BOC: variants seen among roughly 807,000 people sequenced by gnomAD.
The protein encoded by BOC is brother of CDO.
A neutral mutation model predicts 112.0 loss-of-function variants in BOC; 76 were observed. The ratio of observed to expected loss-of-function variants is 0.68; its 90% CI spans 0.56 to 0.82. BOC has a LOEUF of 0.82. Among genes scored for constraint, BOC ranks in the 40% least tolerant of loss-of-function variants. The pLI is 0.00. For missense variants in BOC, 1,309 were observed against 1,511.7 expected, an observed-to-expected ratio of 0.87 and a Z score of 2.22; for synonymous variants, 580 against 599.8, an observed-to-expected ratio of 0.97 and a Z score of 0.48.
rs1949161805 is a variant in BOC at position 113,281,170 on chromosome 3, T to C, written c.2434+17T>C. On this transcript the variant is annotated intron_variant, in intron 15 of 19. Coordinates refer to ENST00000682979, the MANE Select transcript of BOC (RefSeq NM_001378074.1). Reference sequence around the variant, plus strand: ...AGACCAAAGGTGAAGCTCTTTGGGTTCTCTCTCCTGTCTTGGTGTTTCCAG... The same window carrying C: ...AGACCAAAGGTGAAGCTCTTTGGGTCCTCTCTCCTGTCTTGGTGTTTCCAG... 6.2e-7 allele frequency: 1 copy of C among 1,613,762 alleles called. No homozygotes were observed. Among genetic ancestry groups the C allele is most frequent in the Non-Finnish European group, 8.5e-7 (1 of 1,179,816 alleles).
At chr3:113,224,563 AG>A (rs1175163239) in intron 2 of BOC, among the ~76,000 whole-genome samples, 2 of 15,552 alleles carry the variant, frequency 1.3e-4, no homozygotes, top group East Asian at 1.8e-3. Flanking sequence ...TGTGAATTGG[AG>A]GGGGTGGGGG....
In BOC at chr3:113,233,145, T is replaced by TGGGGGGG. The variant is rs1553725800; in HGVS notation, c.-81-16573_-81-16572insGGGGGGG. On this transcript the variant is annotated intron_variant, in intron 2 of 19. Transcript: ENST00000682979. ...AAGCATGCATGAGCATGTAAAGGAT[T>TGGGGGGG]GGGGTGTGTGTGTGTGTGTGTGTGT... 2.1e-4 allele frequency among the ~76,000 whole-genome samples: 17 copies of TGGGGGGG among 82,860 alleles called. 1 individual carries two copies. Among genetic ancestry groups the TGGGGGGG allele is most frequent in the African/African-American group, 6.0e-4 (15 of 25,034 alleles). The allele number at this position is 82,860 out of a possible 152,430, so 54.4% of individuals were successfully genotyped here.
chr3:113,278,678 C>T lies in BOC; in HGVS notation c.1711C>T (p.Arg571Trp), dbSNP rs1437662610. The change falls in exon 11 of 20, where the codon CGG becomes TGG. Residue 571 changes from arginine to tryptophan, a missense_variant. Arg to Trp is a moderately radical substitution (Grantham distance 101, BLOSUM62 -3). Coordinates refer to ENST00000682979, the MANE Select transcript of BOC (RefSeq NM_001378074.1). This position sits in a 1 kb window ranked among gnomAD's most constrained non-coding sequence, Gnocchi z 4.2. The part of the protein sequence containing the change: ...TAMVTFRTGR[R>W]PKPEIMASKE... ...TACAACCCATTTCCACCCAGGACGG[C>T]GGCCCAAACCCGAGATCATGGCCAG... 9.6e-6 allele frequency: 15 copies of T among 1,560,176 alleles called. No individual in the cohort carries two copies. The highest frequency in any genetic ancestry group is 1.4e-5 in the African/African-American group (1 of 73,536).
intron 2 of BOC, among the ~76,000 whole-genome samples, chr3:113,229,723 A>T (rs1223115276): frequency 6.6e-6 from 1 of 152,262 alleles, no homozygotes; most frequent in Non-Finnish European, 1.5e-5. Flanking sequence ...GAGAAAAAAT[A>T]TGTATTTTAG....
intron 14 of BOC, 131 bp from the exon 15 acceptor site, chr3:113,280,900 C>T (rs1303124404): frequency 4.7e-6 from 6 of 1,279,818 alleles, no homozygotes; most frequent in Non-Finnish European, 6.6e-6. Flanking sequence ...AGCGTTCCTC[C>T]ACACGCCGCC....
chr3:113,251,257 A>G, intron 4 of BOC: 1 of 327,102 alleles, frequency 3.1e-6, no homozygotes, highest in Non-Finnish European at 5.6e-6. Flanking sequence ...AGGGAGAGAC[A>G]GGACACCAAG....
intron 4 of BOC, among the ~76,000 whole-genome samples, chr3:113,267,241 C>T (rs943218063): frequency 6.6e-6 from 1 of 152,162 alleles, no homozygotes; most frequent in African/African-American, 2.4e-5. Flanking sequence ...ACCAGATTTC[C>T]AGCTTGGAAT....
At position 113,270,945 on chromosome 3, in the gene BOC, G is replaced by T; in HGVS notation, c.667+1G>T. ...TCCAGCGACAGGCTACGTGTGCGCCGTAAGGCCCGGGCCCACCTGCTGGGG... is the reference window on the plus strand; with the variant it reads ...TCCAGCGACAGGCTACGTGTGCGCCTTAAGGCCCGGGCCCACCTGCTGGGG... On this transcript the variant is annotated splice_donor_variant, in intron 6 of 19. Transcript: ENST00000682979. LOFTEE classifies it high-confidence loss of function. The T allele has an allele frequency of 6.2e-7, 1 of 1,614,142 alleles. No homozygotes were observed. The highest frequency in any genetic ancestry group is 8.5e-7 in the Non-Finnish European group (1 of 1,180,030).
intron 14 of BOC, 39 bp from the exon 15 acceptor site, chr3:113,280,992 A>G (rs770301080): frequency 3.7e-6 from 6 of 1,610,390 alleles, no homozygotes; most frequent in Non-Finnish European, 5.1e-6. Context: ...AAAACCATAT[A>G]CACATTGCCA....
intron 13 of BOC, among the ~76,000 whole-genome samples, chr3:113,280,317 G>A (rs1949073908): frequency 6.6e-6 from 1 of 152,162 alleles, no homozygotes. Flanking sequence ...TGAAGTCTTT[G>A]GAGAAATGGC....
intron 2 of BOC, among the ~76,000 whole-genome samples, chr3:113,235,568 C>T (rs1194052818): frequency 6.6e-6 from 1 of 152,082 alleles, no homozygotes; most frequent in South Asian, 2.1e-4. Context: ...TGATTATTGT[C>T]ATTATCATCA....
At position 113,218,542 on chromosome 3, in the gene BOC, G is replaced by A. The variant is rs548136754; in HGVS notation, c.-82+2268G>A. Among the ~76,000 whole-genome samples the A allele has an allele frequency of 6.6e-5, 10 of 152,300 alleles. No homozygotes were observed. In the South Asian group the frequency reaches 2.1e-3, roughly 32 times the overall value. On this transcript the variant is annotated intron_variant, in intron 2 of 19. Transcript: ENST00000682979. Reference sequence around the variant, plus strand: ...TAAAAATGCAGTCAGTCAACACAGTGCCCTCTTTTGCAAGTGAGACCACAT... The same window carrying A: ...TAAAAATGCAGTCAGTCAACACAGTACCCTCTTTTGCAAGTGAGACCACAT...
At chr3:113,280,917 C>A in intron 14 of BOC, 114 bp from the exon 15 acceptor site, 1 of 1,408,674 alleles carries the variant, frequency 7.1e-7, no homozygotes, top group Non-Finnish European at 9.8e-7. Context: ...CGCCCCTGTG[C>A]CAGTCAGTGG....
intron 1 of BOC, among the ~76,000 whole-genome samples, chr3:113,212,928 T>C (rs1938523638): frequency 6.6e-6 from 1 of 152,120 alleles, no homozygotes; most frequent in Admixed American, 6.5e-5. Flanking sequence ...ATGTTCAGTA[T>C]TAATTTGCTT....
chr3:113,280,413 C>T, intron 13 of BOC, 145 bp from the exon 14 acceptor site: 1 of 651,040 alleles, frequency 1.5e-6, no homozygotes, highest in South Asian at 1.9e-5. Context: ...CAGAGAACCT[C>T]AGGGATATCA....
In BOC at chr3:113,283,498, C is replaced by T. The variant is rs138348732; in HGVS notation, c.2522C>T (p.Pro841Leu). 5.9e-5 allele frequency: 96 copies of T among 1,614,058 alleles called. No homozygotes were observed. Among genetic ancestry groups the T allele is most frequent in the Non-Finnish European group, 7.5e-5 (88 of 1,180,018 alleles). The change falls in exon 16 of 20, where the codon CCG becomes CTG. Residue 841 changes from proline (P) to leucine (L), a missense_variant. Coordinates refer to ENST00000682979, the MANE Select transcript of BOC (RefSeq NM_001378074.1). ...QPPLPETIER[P>L]VGTGAMVARS... is the part of the protein sequence containing the mutation. ...CCCCTTCCTGAAACCATAGAGCGGC[C>T]GGTGGGCACTGGGGCCATGGTGGCT...
chr3:113,235,067 A>G (rs747212204), intron 2 of BOC, among the ~76,000 whole-genome samples: 1 of 152,238 alleles, frequency 6.6e-6, no homozygotes, highest in Admixed American at 6.5e-5. Flanking sequence ...TGTGTAAGAC[A>G]TAGGACTTTA....
At chr3:113,265,870 C>A (rs566778081) in intron 4 of BOC, among the ~76,000 whole-genome samples, 2 of 152,224 alleles carry the variant, frequency 1.3e-5, no homozygotes, top group Non-Finnish European at 2.9e-5. Flanking sequence ...ATCAAGCTGG[C>A]CTTGGGCTCA....
chr3:113,284,746 C>G, intron 17 of BOC, 36 bp from the exon 18 acceptor site: 3 of 1,596,116 alleles, frequency 1.9e-6, no homozygotes, highest in Non-Finnish European at 1.7e-6. Context: ...CTGGACTCCC[C>G]GGCGTGGCCG....
Sources: gnomAD v4.1 joint callset for allele counts (sites outside exome capture counted in the v4.1 genomes callset) on GRCh38, gnomAD v4.1.1 for gene constraint, Gnocchi (gnomAD v3.1) non-coding constraint, MANE v1.5 for transcripts, NCBI Gene and HGNC (gene_info 2026-07-23, HGNC 2026-07-21) for gene names.